C1QTNF4: variants seen among roughly 807,000 people sequenced by gnomAD.
The protein encoded by C1QTNF4 is C1q and TNF related 4.
A neutral mutation model predicts 14.6 loss-of-function variants in C1QTNF4; 12 were observed. The observed-to-expected ratio is 0.82, with a 90% confidence interval of 0.53 to 1.33. The LOEUF (loss-of-function observed/expected upper bound fraction) is 1.33. Ranked by LOEUF, C1QTNF4 falls within the 40% of genes most tolerant of loss-of-function variation. The pLI is 0.00. For missense variants in C1QTNF4, 558 were observed against 500.3 expected (o/e 1.12, Z -1.10); for synonymous variants, 278 against 246.6 (o/e 1.13, Z -1.19).
At chr11:47,590,948 C>T (rs2097275304) in intron 1 of C1QTNF4, 133 bp from the exon 2 acceptor site, 1 of 1,368,032 alleles carries the variant, frequency 7.3e-7, no homozygotes, top group African/African-American at 1.5e-5. Flanking sequence ...AATTTTCCTA[C>T]ATCCTTGGAT....
At position 47,590,833 on chromosome 11, in the gene C1QTNF4, G is replaced by A. The variant is rs2097275220; in HGVS notation, c.-5-18C>T. ...CATGGCGCCTGGGAGGGAGACGGAG[G>A]GGCGAGAGTGGAGTGTTGGCAGGGG... On this transcript the variant is annotated intron_variant, in intron 1 of 1. Coordinates refer to ENST00000302514, the MANE Select transcript of C1QTNF4 (RefSeq NM_031909.3). The A allele has an allele frequency of 6.9e-7, 1 of 1,457,490 alleles. No individual in the cohort carries two copies. Among genetic ancestry groups the A allele is most frequent in the African/African-American group, 1.4e-5 (1 of 69,618 alleles). 90.3% of individuals were successfully genotyped at this position (1,457,490 alleles called of 1,614,324 possible).
chr11:47,591,185 T>C (rs2097275448), intron 1 of C1QTNF4, among the ~76,000 whole-genome samples: 1 of 152,018 alleles, frequency 6.6e-6, no homozygotes, highest in Non-Finnish European at 1.5e-5. Flanking sequence ...TTCAAGCAGT[T>C]CTCCTGCCTT....
Position 47,590,761 on chromosome 11 carries a change from AGG to A in C1QTNF4, c.48_49del (p.Leu17GlyfsTer10). ...GGATCCCGGGCCGGGGGTCGGGCCC[AGG>A]GCCCAGCAGGCCGCTGGGCCCAGCA... On this transcript the variant is annotated frameshift_variant, in exon 2 of 2. Coordinates refer to ENST00000302514, the MANE Select transcript of C1QTNF4 (RefSeq NM_031909.3). LOFTEE classifies it high-confidence loss of function. 6.4e-7 allele frequency: 1 copy of A among 1,572,046 alleles called. No homozygotes were observed. Among genetic ancestry groups the A allele is most frequent in the African/African-American group, 1.4e-5 (1 of 72,806 alleles).
rs903948925 is a variant in C1QTNF4, at chr11:47,589,830, C to G, written c.981G>C (p.Glu327Asp). 15 of 1,540,736 alleles carry G rather than the reference C, an allele frequency of 9.7e-6. No homozygotes were observed. Among genetic ancestry groups the G allele is most frequent in the Non-Finnish European group, 1.3e-5 (15 of 1,141,186 alleles). ...PAAPPGLGAS[E>D]LL ...TTCTCTGGCCCGGGGCTCACAGTAG[C>G]TCCGAGGCCCCGAGGCCCGGCGGGG... The change falls in exon 2 of 2, where the codon GAG (glutamate) becomes GAC (aspartate). Residue 327 changes from glutamate to aspartate, a missense_variant. Physicochemically the swap from Glu to Asp is conservative, Grantham distance 45. Transcript: ENST00000302514.
chr11:47,591,075 C>T (rs760086315), intron 1 of C1QTNF4, among the ~76,000 whole-genome samples: 2 of 152,134 alleles, frequency 1.3e-5, no homozygotes, highest in Non-Finnish European at 2.9e-5. Flanking sequence ...ATTTGCATTT[C>T]TTTGTTTTGT....
At position 47,590,469 on chromosome 11, in the gene C1QTNF4, C is replaced by A. The variant is rs1052460403; in HGVS notation, c.342G>T (p.Ala114=). Residue 114 remains alanine, a synonymous_variant, in exon 2 of 2, where the codon GCG becomes GCT. Transcript: ENST00000302514. The part of the protein sequence containing the change: ...LAFDEQRRPG[A]RRAASQSAML... ...TGGCGCTCTGGCTGGCTGCGCGCCG[C>A]GCGCCTGGCCGCCGCTGCTCGTCGA... 2.6e-6 allele frequency: 4 copies of A among 1,527,828 alleles called. No individual in the cohort carries two copies. The highest frequency in any genetic ancestry group is 2.6e-6 in the Non-Finnish European group (3 of 1,140,392). 94.6% of individuals were successfully genotyped at this position (1,527,828 alleles called of 1,614,324 possible).
In C1QTNF4 at chr11:47,590,025, G is replaced by C; in HGVS notation, c.786C>G (p.Gly262=). 3.1e-6 allele frequency: 5 copies of C among 1,611,924 alleles called. No individual in the cohort carries two copies. Among genetic ancestry groups the C allele is most frequent in the Non-Finnish European group, 4.2e-6 (5 of 1,178,658 alleles). ...TCTGCATCTCGCGGCGCCGCGACGC[G>C]CCGTCGTCGTAAATCATGGCCTGCA... ...DEVQAMIYDD[G]ASRRREMQSQ... Residue 262 remains glycine, a synonymous_variant, in exon 2 of 2, where the codon GGC becomes GGG. Transcript: ENST00000302514.
chr11:47,591,605 G>C (rs921431362), intron 1 of C1QTNF4, among the ~76,000 whole-genome samples: 1 of 151,560 alleles, frequency 6.6e-6, no homozygotes. Flanking sequence ...GGCCAGGATG[G>C]TCTTGATCTC....
rs779626918 is a variant in C1QTNF4, at chr11:47,590,215, T to G, written c.596A>C (p.Gln199Pro). 5 of 1,562,268 alleles carry G rather than the reference T, an allele frequency of 3.2e-6. No individual in the cohort carries two copies. The highest frequency in any genetic ancestry group is 4.3e-6 in the Non-Finnish European group (5 of 1,159,552). ...GAACTCGGTGTCGAAGGCGAGTGGT[T>G]GGTGCCGCGGCCCGGGGCCAGCGTC... is the stretch of plus-strand genomic sequence containing the variant. ...GSDAGPGPRHQPLAFDTEFVN... is the reference protein window; with the variant it reads ...GSDAGPGPRHPPLAFDTEFVN... The change falls in exon 2 of 2, where the codon CAA (glutamine) becomes CCA (proline). Residue 199 changes from glutamine (Q) to proline (P), a missense_variant. Transcript: ENST00000302514.
At chr11:47,595,128 G>A (rs1051351685), upstream of C1QTNF4, among the ~76,000 whole-genome samples, 2 of 152,196 alleles carry the variant, frequency 1.3e-5, no homozygotes, top group East Asian at 3.9e-4. Flanking sequence ...CAGGGCACCC[G>A]GGCTGGGAAC....
chr11:47,589,675 C>G lies in C1QTNF4; in HGVS notation c.*146G>C. 3.9e-6 allele frequency: 3 copies of G among 763,294 alleles called. No individual in the cohort carries two copies. Among genetic ancestry groups the G allele is most frequent in the East Asian group, 6.7e-5 (2 of 29,694 alleles). The allele number at this position is 763,294 out of a possible 1,614,324, so 47.3% of individuals were successfully genotyped here. A position where few individuals can be genotyped will look rare whatever the true frequency, so the allele number is the denominator to read the frequency against. On this transcript the variant is annotated 3_prime_UTR_variant, in exon 2 of 2. Transcript: ENST00000302514. ...AAGACAGCGCAGGGGCCTGGGCTGC[C>G]GGGCGCTGCGCGTGCCCGCTTTCCG...
chr11:47,591,784 C>T (rs1250591369), intron 1 of C1QTNF4, among the ~76,000 whole-genome samples: 1 of 152,228 alleles, frequency 6.6e-6, no homozygotes, highest in Non-Finnish European at 1.5e-5. Context: ...GCCCCTACAC[C>T]TCCCATTTGA....
At chr11:47,595,208 G>C (rs1354312599), upstream of C1QTNF4, among the ~76,000 whole-genome samples, 1 of 152,240 alleles carries the variant, frequency 6.6e-6, no homozygotes, top group Non-Finnish European at 1.5e-5. Flanking sequence ...TCGAGCCCGT[G>C]GGATGGGGGC....
In C1QTNF4 at chr11:47,590,260, G is replaced by A; in HGVS notation, c.551C>T (p.Thr184Met). Reference protein sequence around the residue: ...EPRSAFSAARTRSLVGSDAGP... With the variant: ...EPRSAFSAARMRSLVGSDAGP... Reference sequence around the variant, plus strand: ...AGCGTCCGAGCCCACCAAGCTGCGCGTGCGCGCCGCCGAGAAGGCCGAGCG... The same window carrying A: ...AGCGTCCGAGCCCACCAAGCTGCGCATGCGCGCCGCCGAGAAGGCCGAGCG... The change falls in exon 2 of 2, where the codon ACG becomes ATG. Residue 184 changes from threonine to methionine, a missense_variant. Physicochemically the swap from Thr to Met is moderately conservative, Grantham distance 81. Transcript: ENST00000302514. 7.1e-7 allele frequency: 1 copy of A among 1,402,640 alleles called. No individual in the cohort carries two copies. Among genetic ancestry groups the A allele is most frequent in the South Asian group, 1.5e-5 (1 of 65,146 alleles). The allele number at this position is 1,402,640 out of a possible 1,614,324, so 86.9% of individuals were successfully genotyped here.
chr11:47,594,884 G>C (rs2097277402), upstream of C1QTNF4, among the ~76,000 whole-genome samples: 1 of 152,154 alleles, frequency 6.6e-6, no homozygotes, highest in East Asian at 1.9e-4. Flanking sequence ...AAATGCCCAC[G>C]GTCGGTTAGG....
intron 1 of C1QTNF4, 66 bp from the exon 2 acceptor site, chr11:47,590,881 C>G: frequency 7.0e-7 from 1 of 1,431,030 alleles, no homozygotes; most frequent in Non-Finnish European, 9.1e-7. Flanking sequence ...GCCCGGCTCT[C>G]CACCGGGAGA....
At position 47,590,654 on chromosome 11, in the gene C1QTNF4, C is replaced by A. The variant is rs1309503242; in HGVS notation, c.157G>T (p.Val53Leu). ...TSEMAVTFDK[V>L]YVNIGGDFDV... ...AAGTCGCCCCCGATGTTCACGTACACCTTGTCGAAGGTCACCGCCATCTCC... is the reference window on the plus strand; with the variant it reads ...AAGTCGCCCCCGATGTTCACGTACAACTTGTCGAAGGTCACCGCCATCTCC... Residue 53 changes from valine to leucine, a missense_variant, in exon 2 of 2, where the codon GTG becomes TTG. Transcript: ENST00000302514. The A allele has an allele frequency of 6.2e-7, 1 of 1,611,538 alleles. No homozygotes were observed. The highest frequency in any genetic ancestry group is 8.5e-7 in the Non-Finnish European group (1 of 1,179,466).
chr11:47,591,865 A>G (rs1253870171), intron 1 of C1QTNF4, among the ~76,000 whole-genome samples: 2 of 151,904 alleles, frequency 1.3e-5, no homozygotes, highest in Admixed American at 6.6e-5. Context: ...AGTTGGCTGC[A>G]TTTTCCTGTG....
Position 47,590,282 on chromosome 11 carries a change from A to AGCGCGGCTCGGGGGGCGCGGGCGGCCCGC in C1QTNF4, c.500_528dup (p.Ser177AlafsTer81). On this transcript the variant is annotated frameshift_variant, in exon 2 of 2. Transcript: ENST00000302514. LOFTEE classifies it high-confidence loss of function. ...CGCGTGCGCGCCGCCGAGAAGGCCG[A>AGCGCGGCTCGGGGGGCGCGGGCGGCCCGC]GCGCGGCTCGGGGGGCGCGGGCGGC... The AGCGCGGCTCGGGGGGCGCGGGCGGCCCGC allele has an allele frequency of 8.2e-7, 1 of 1,215,742 alleles. No individual in the cohort carries two copies. The highest frequency in any genetic ancestry group is 1.0e-6 in the Non-Finnish European group (1 of 973,622). The allele number at this position is 1,215,742 out of a possible 1,614,324, so 75.3% of individuals were successfully genotyped here. A position where few individuals can be genotyped will look rare whatever the true frequency, so the allele number is the denominator to read the frequency against.
Sources: gnomAD v4.1 joint callset for allele counts (sites outside exome capture counted in the v4.1 genomes callset) on GRCh38, gnomAD v4.1.1 for gene constraint, MANE v1.5 for transcripts, NCBI Gene and HGNC (gene_info 2026-07-23, HGNC 2026-07-21) for gene names.